The following KATNIP variants were observed in gnomAD, a reference collection of about 807,000 sequenced individuals.
KATNIP encodes katanin interacting protein.
Under a neutral mutation model 174.0 loss-of-function variants are expected in KATNIP, and 126 were observed. The ratio of observed to expected loss-of-function variants is 0.72; its 90% CI spans 0.63 to 0.84. The LOEUF is 0.84. Among genes scored for constraint, KATNIP ranks in the 40% least tolerant of loss-of-function variants. The probability of loss-of-function intolerance (pLI) is 0.00; values close to 1 mark genes in which losing one functional copy is unlikely to be tolerated. For synonymous variants in KATNIP, 810 were observed against 835.7 expected, an observed-to-expected ratio of 0.97 and a Z score of 0.53; for missense variants, 1,958 against 2,109.7, an observed-to-expected ratio of 0.93 and a Z score of 1.41.
intron 19 of KATNIP, among the ~76,000 whole-genome samples, chr16:27,761,814 C>A (rs987349249): frequency 1.4e-4 from 21 of 152,168 alleles, no homozygotes; most frequent in African/African-American, 5.1e-4. Flanking sequence ...AAGTGTCAGG[C>A]GGGATTTGAA....
intron 18 of KATNIP, 182 bp downstream of exon 18, chr16:27,754,433 C>G: frequency 3.4e-6 from 2 of 595,412 alleles, no homozygotes; most frequent in Non-Finnish European, 6.0e-6. Flanking sequence ...CTGGCCCTAG[C>G]AGGGCCACCT....
chr16:27,556,268 T>C (rs2089625246), intron 1 of KATNIP, among the ~76,000 whole-genome samples: 1 of 152,226 alleles, frequency 6.6e-6, no homozygotes. Flanking sequence ...ATTAGCACAC[T>C]CTTTGCTTAA....
At chr16:27,747,733 C>T (rs565708703) in intron 15 of KATNIP, among the ~76,000 whole-genome samples, 6 of 67,254 alleles carry the variant, frequency 8.9e-5, no homozygotes, top group East Asian at 4.1e-4. Flanking sequence ...AAAGAGGCAC[C>T]GGGTGGCAGG....
At chr16:27,699,182 G>A (rs1331842775) in intron 9 of KATNIP, among the ~76,000 whole-genome samples, 2 of 152,114 alleles carry the variant, frequency 1.3e-5, no homozygotes, top group Non-Finnish European at 2.9e-5. Flanking sequence ...TGGTTTCATT[G>A]CCTCACTTCA....
chr16:27,754,192 C>T lies in KATNIP; in HGVS notation c.3572C>T (p.Pro1191Leu). The change falls in exon 18 of 28, where the codon CCA (proline) becomes CTA (leucine). Residue 1191 changes from proline to leucine, a missense_variant. Transcript: ENST00000261588. The stretch of plus-strand genomic sequence containing the variant: ...GTGCAGATCCCGGAGCTAGAGCTCC[C>T]ATCCAGTTCCCCTGTCCCCCAAGTC... ...ADERIPELEL[P>L]SSSPVPQVTT... 6.2e-7 allele frequency: 1 copy of T among 1,614,166 alleles called. No homozygotes were observed.
At chr16:27,608,284 G>A (rs867059480) in intron 2 of KATNIP, among the ~76,000 whole-genome samples, 2 of 140,056 alleles carry the variant, frequency 1.4e-5, no homozygotes, top group African/African-American at 5.4e-5. Context: ...AGGCTGGAGT[G>A]CACTGGTGCA....
intron 16 of KATNIP, among the ~76,000 whole-genome samples, chr16:27,750,595 A>ATT (rs572859532): frequency 2.2e-3 from 230 of 103,502 alleles, no homozygotes; most frequent in African/African-American, 7.1e-3. Context: ...AATTTTTTGT[A>ATT]TTTTTTTTTT....
chr16:27,660,950 T>C (rs1030974286), intron 6 of KATNIP, among the ~76,000 whole-genome samples: 5 of 152,208 alleles, frequency 3.3e-5, no homozygotes, highest in African/African-American at 1.2e-4. Context: ...AGAGTTGGTC[T>C]GCAAATAAAT....
At chr16:27,619,479 G>A (rs1451975311) in intron 3 of KATNIP, among the ~76,000 whole-genome samples, 1 of 152,192 alleles carries the variant, frequency 6.6e-6, no homozygotes, top group Non-Finnish European at 1.5e-5. Context: ...ATCGGAGTGG[G>A]CTTAGGGTCT....
At chr16:27,680,952 C>A (rs147711685) in intron 7 of KATNIP, among the ~76,000 whole-genome samples, 2 of 152,322 alleles carry the variant, frequency 1.3e-5, no homozygotes, top group African/African-American at 4.8e-5. Context: ...GTCTTGGCCT[C>A]CTAAAGTGCT....
rs756837624 is a variant in KATNIP, at chr16:27,648,618, C to G, written c.423C>G (p.Ile141Met). Residue 141 changes from isoleucine to methionine, a missense_variant, in exon 6 of 28, where the codon ATC (isoleucine) becomes ATG (methionine). Ile to Met is a conservative substitution (Grantham distance 10, BLOSUM62 1). Transcript: ENST00000261588. ...TTTTTGTACAGAAATCTGTGCAGAT[C>G]AGAACAGAAGCTGGCCCACGGCTCC... ...RRGWHQKSVQ[I>M]RTEAGPRLHI... is the part of the protein sequence containing the mutation. The G allele has an allele frequency of 6.2e-7, 1 of 1,614,176 alleles. No individual in the cohort carries two copies. Among genetic ancestry groups the G allele is most frequent in the Non-Finnish European group, 8.5e-7 (1 of 1,180,030 alleles).
At chr16:27,716,868 G>T (rs1009757450) in intron 13 of KATNIP, among the ~76,000 whole-genome samples, 6 of 151,068 alleles carry the variant, frequency 4.0e-5, no homozygotes, top group African/African-American at 1.5e-4. Context: ...TTTTTGAGAC[G>T]AAGTCTCACA....
At chr16:27,738,283 G>A (rs1314390789) in intron 14 of KATNIP, among the ~76,000 whole-genome samples, 1 of 152,108 alleles carries the variant, frequency 6.6e-6, no homozygotes, top group Non-Finnish European at 1.5e-5. Flanking sequence ...AAGGAGGAAG[G>A]GGAGACAGGG....
At chr16:27,599,879 C>T (rs536113212) in intron 2 of KATNIP, among the ~76,000 whole-genome samples, 2 of 152,334 alleles carry the variant, frequency 1.3e-5, no homozygotes, top group African/African-American at 4.8e-5. Flanking sequence ...GTCCCTTCTG[C>T]TCTGTGCTCA....
At chr16:27,552,009 C>T (rs1418203272) in intron 1 of KATNIP, among the ~76,000 whole-genome samples, 1 of 152,122 alleles carries the variant, frequency 6.6e-6, no homozygotes, top group Non-Finnish European at 1.5e-5. Flanking sequence ...TCAAGACCAG[C>T]CTGGGCAACA....
At chr16:27,552,499 C>G (rs1199235829) in intron 1 of KATNIP, among the ~76,000 whole-genome samples, 1 of 151,328 alleles carries the variant, frequency 6.6e-6, no homozygotes, top group East Asian at 1.9e-4. Context: ...CTCAACCTCC[C>G]GAGTAGCTGG....
In KATNIP at chr16:27,771,447, G is replaced by C. The variant is rs976580031; in HGVS notation, c.4134-141G>C. On this transcript the variant is annotated intron_variant, in intron 21 of 27. Coordinates refer to ENST00000261588, the MANE Select transcript of KATNIP (RefSeq NM_015202.5). ...GAGCGGGAACTCCACACGAGCAGGGGCCTCATCTCTCTTTTCCCTGCTGCA... is the reference window on the plus strand; with the variant it reads ...GAGCGGGAACTCCACACGAGCAGGGCCCTCATCTCTCTTTTCCCTGCTGCA... 7.3e-6 allele frequency: 5 copies of C among 685,436 alleles called. No homozygotes were observed. The African/African-American group carries it at 9.0e-5, about 12-fold the overall frequency. 42.5% of individuals were successfully genotyped at this position (685,436 alleles called of 1,614,324 possible). A position where few individuals can be genotyped will look rare whatever the true frequency, so the allele number is the denominator to read the frequency against.
At chr16:27,626,340 A>T (rs369464741) in intron 3 of KATNIP, among the ~76,000 whole-genome samples, 1 of 152,128 alleles carries the variant, frequency 6.6e-6, no homozygotes, top group Admixed American at 6.5e-5. Flanking sequence ...AACACTGACT[A>T]TCTTCTTGCC....
intron 1 of KATNIP, among the ~76,000 whole-genome samples, chr16:27,554,970 T>C (rs1301407841): frequency 6.6e-6 from 1 of 151,842 alleles, no homozygotes; most frequent in East Asian, 1.9e-4. Context: ...ACTTTTTTGT[T>C]TTTTGTTAGT....
Sources: gnomAD v4.1 joint callset for allele counts (sites outside exome capture counted in the v4.1 genomes callset) on GRCh38, gnomAD v4.1.1 for gene constraint, MANE v1.5 for transcripts, NCBI Gene and HGNC (gene_info 2026-07-23, HGNC 2026-07-21) for gene names.